The following C11orf65 variants were observed in gnomAD, a reference collection of about 807,000 sequenced individuals.
The protein encoded by C11orf65 is chromosome 11 open reading frame 65, also known as protein MFI.
Under a neutral mutation model 35.3 loss-of-function variants are expected in C11orf65, and 38 were observed. The observed-to-expected ratio is 1.08, with a 90% confidence interval of 0.83 to 1.41. C11orf65 has a LOEUF of 1.41. Among genes scored for constraint, C11orf65 ranks in the 40% most tolerant of loss-of-function variants. The pLI is 0.00. For synonymous variants in C11orf65, 105 were observed against 114.4 expected, an observed-to-expected ratio of 0.92 and a Z score of 0.53; for missense variants, 370 against 367.1, an observed-to-expected ratio of 1.01 and a Z score of -0.06.
At chr11:108,381,754 G>T (rs1156290727), downstream of C11orf65, among the ~76,000 whole-genome samples, 2 of 151,992 alleles carry the variant, frequency 1.3e-5, no homozygotes, top group Non-Finnish European at 2.9e-5. Context: ...TTTTCTCTTT[G>T]TGTTGATTTT....
rs1435676137 is a variant in C11orf65 at position 108,362,128 on chromosome 11, A to T, written c.227-26836T>A. Among the ~76,000 whole-genome samples the T allele has an allele frequency of 2.8e-5, 4 of 141,478 alleles. No homozygotes were observed. In the East Asian group the frequency reaches 8.2e-4, roughly 29 times the overall value. 92.8% of individuals were successfully genotyped at this position (141,478 alleles called of 152,430 possible). ...AAAAAAACAAACAACCCCATCAAAAAGTGGGTGAAGGACATGAACAGACAC... is the reference window on the plus strand; with the variant it reads ...AAAAAAACAAACAACCCCATCAAAATGTGGGTGAAGGACATGAACAGACAC... On this transcript the variant is annotated intron_variant, in intron 2 of 3. Coordinates refer to the C11orf65 transcript ENST00000524755.
chr11:108,457,537 G>A (rs1219797495), intron 2 of C11orf65, among the ~76,000 whole-genome samples: 4 of 151,918 alleles, frequency 2.6e-5, no homozygotes, highest in Non-Finnish European at 2.9e-5. Context: ...CCAGGTACTC[G>A]GGAGGCTGAG....
intron 3 of C11orf65, among the ~76,000 whole-genome samples, chr11:108,415,237 T>C (rs1019048543): frequency 1.3e-5 from 2 of 152,160 alleles, no homozygotes; most frequent in Non-Finnish European, 2.9e-5. Context: ...TCAGATGACA[T>C]GATTGTCTAT....
At chr11:108,329,062 T>C (rs373309822), downstream of C11orf65, 5 of 1,614,004 alleles carry the variant, frequency 3.1e-6, no homozygotes, top group Non-Finnish European at 3.4e-6. Context: ...AAAGTAGTGA[T>C]GAGCTAAGAA....
At chr11:108,384,689 C>T (rs1219471404) in intron 8 of C11orf65, among the ~76,000 whole-genome samples, 1 of 152,090 alleles carries the variant, frequency 6.6e-6, no homozygotes, top group Non-Finnish European at 1.5e-5. Context: ...GGGAGAATTG[C>T]TTGAGCCTGG....
chr11:108,446,805 G>A (rs1316857519), intron 2 of C11orf65, among the ~76,000 whole-genome samples: 10 of 152,076 alleles, frequency 6.6e-5, no homozygotes, highest in Non-Finnish European at 1.5e-4. Flanking sequence ...ATGTAAATGG[G>A]CTAAATGCTC....
At chr11:108,420,321 A>G (rs2092797312) in intron 3 of C11orf65, among the ~76,000 whole-genome samples, 1 of 152,358 alleles carries the variant, frequency 6.6e-6, no homozygotes, top group African/African-American at 2.4e-5. Context: ...ATTAGGGCTC[A>G]ATACCTATGG....
At chr11:108,319,834 G>T in intron 6 of C11orf65, 1 of 698,014 alleles carries the variant, frequency 1.4e-6, no homozygotes, top group South Asian at 1.9e-5. Context: ...TTCTAGAAAT[G>T]CATTTTTTAG....
Position 108,412,281 on chromosome 11 carries a change from G to A in C11orf65, c.175-5132C>T, listed in dbSNP as rs568276419. 1.8e-4 allele frequency among the ~76,000 whole-genome samples: 27 copies of A among 151,326 alleles called. No homozygotes were observed. In the South Asian group the frequency reaches 5.6e-3, roughly 32 times the overall value. ...CGTATAAAATGCTCAATTAAAACCA[G>A]AGAAGGCAGTAAAGTGAAGGAATAC... On this transcript the variant is annotated intron_variant, in intron 3 of 8. Coordinates refer to ENST00000393084, the MANE Select transcript of C11orf65 (RefSeq NM_152587.5).
intron 6 of C11orf65, chr11:108,325,267 T>A: frequency 9.4e-7 from 1 of 1,058,758 alleles, no homozygotes; most frequent in Non-Finnish European, 1.4e-6. Context: ...TTTTTTTTTT[T>A]TCATTTCTCT....
intron 6 of C11orf65, 26 bp from the exon 7 acceptor site, chr11:108,393,404 G>A: frequency 6.3e-7 from 1 of 1,594,632 alleles, no homozygotes; most frequent in Non-Finnish European, 8.6e-7. Context: ...GGAAAGAGAA[G>A]TAAATCTTTT....
chr11:108,450,807 C>T (rs1183536756), intron 2 of C11orf65, among the ~76,000 whole-genome samples: 1 of 151,736 alleles, frequency 6.6e-6, no homozygotes. Context: ...GCCTTATCCA[C>T]CATGATCAAG....
intron 2 of C11orf65, among the ~76,000 whole-genome samples, chr11:108,364,763 A>G (rs1297421811): frequency 6.6e-6 from 1 of 152,194 alleles, no homozygotes; most frequent in African/African-American, 2.4e-5. Flanking sequence ...AAATACACTA[A>G]CCCAGGGTTA....
chr11:108,380,925 C>G (rs73008286), downstream of C11orf65, among the ~76,000 whole-genome samples: 2,600 of 152,164 alleles, frequency 0.017, 41 homozygotes, highest in South Asian at 0.037. Flanking sequence ...GCTTTCTGAC[C>G]AAGGGACCAA....
rs786203321 is a variant in C11orf65, at chr11:108,343,271, C to T, written c.227-7979G>A. 6.2e-7 allele frequency: 1 copy of T among 1,614,024 alleles called. No individual in the cohort carries two copies. Among genetic ancestry groups the T allele is most frequent in the Non-Finnish European group, 8.5e-7 (1 of 1,179,918 alleles). ...GGTGTTCTTGAATGGTGCACAGGAA[C>T]TGTCCCCATTGGTGAATTTCTTGTT... On this transcript the variant is annotated intron_variant, in intron 2 of 3. Coordinates refer to the C11orf65 transcript ENST00000524755.
intron 6 of C11orf65, among the ~76,000 whole-genome samples, chr11:108,313,501 T>G (rs1376842818): frequency 2.6e-5 from 4 of 152,206 alleles, no homozygotes; most frequent in Non-Finnish European, 5.9e-5. Flanking sequence ...CACCTTTCAT[T>G]CTTCCTTTTC....
chr11:108,463,708 G>GT (rs1452191217), intron 1 of C11orf65, among the ~76,000 whole-genome samples: 1 of 152,050 alleles, frequency 6.6e-6, no homozygotes, highest in East Asian at 1.9e-4. Flanking sequence ...GATAACACAG[G>GT]TAAAGCATTT....
intron 3 of C11orf65, among the ~76,000 whole-genome samples, chr11:108,419,229 G>C (rs1247182648): frequency 6.6e-6 from 1 of 152,098 alleles, no homozygotes. Flanking sequence ...CCAAATATTA[G>C]CAAACTAAAT....
At position 108,433,290 on chromosome 11, in the gene C11orf65, T is replaced by C. The variant is rs1482886840; in HGVS notation, c.82-1452A>G. On this transcript the variant is annotated intron_variant, in intron 2 of 8. Transcript: ENST00000393084. ...ATATATATAGATATATATAGATATA[T>C]ATATATGCCGGGCTCAGTGGCTCAC... is the stretch of plus-strand genomic sequence containing the variant. Among the ~76,000 whole-genome samples the C allele has an allele frequency of 2.7e-5, 4 of 149,806 alleles. No homozygotes were observed. The East Asian group carries it at 7.8e-4, about 29-fold the overall frequency.
Sources: gnomAD v4.1 joint callset for allele counts (sites outside exome capture counted in the v4.1 genomes callset) on GRCh38, gnomAD v4.1.1 for gene constraint, MANE v1.5 for transcripts, NCBI Gene and HGNC (gene_info 2026-07-23, HGNC 2026-07-21) for gene names.